Variants in ACVR1C observed in about 807,000 individuals in gnomAD.
ACVR1C encodes activin A receptor type 1C.
Under a neutral mutation model 57.9 loss-of-function variants are expected in ACVR1C, and 23 were observed. The observed-to-expected ratio is 0.40, with a 90% CI of 0.29 to 0.56. The LOEUF is 0.56. ACVR1C is among the 20% of genes least tolerant of loss of function. The probability of loss-of-function intolerance (pLI) is 0.50; values close to 1 mark genes in which losing one functional copy is unlikely to be tolerated. For synonymous variants in ACVR1C, 214 were observed against 215.3 expected (o/e 0.99, Z 0.05); for missense variants, 480 against 607.9 (o/e 0.79, Z 2.21).
intron 2 of ACVR1C, among the ~76,000 whole-genome samples, chr2:157,557,955 C>T (rs553232006): frequency 3.3e-5 from 5 of 152,248 alleles, no homozygotes; most frequent in South Asian, 4.1e-4. Context: ...ATTTCCTTTT[C>T]GTTGACTAAA....
intron 1 of ACVR1C, among the ~76,000 whole-genome samples, chr2:157,592,733 A>G (rs1689075063): frequency 6.6e-6 from 1 of 152,138 alleles, no homozygotes; most frequent in Non-Finnish European, 1.5e-5. Context: ...TGTGCTGCCA[A>G]TTACAATATA....
intron 1 of ACVR1C, among the ~76,000 whole-genome samples, chr2:157,607,412 G>A (rs1682428191): frequency 6.6e-6 from 1 of 151,268 alleles, no homozygotes; most frequent in Admixed American, 6.6e-5. Flanking sequence ...AATGTCTCCA[G>A]CTTTGCTCTT....
chr2:157,578,915 G>C (rs893500178), intron 2 of ACVR1C, among the ~76,000 whole-genome samples: 1 of 151,916 alleles, frequency 6.6e-6, no homozygotes, highest in African/African-American at 2.4e-5. Context: ...AATCTCTTTA[G>C]GTGAATTTAA....
At chr2:157,625,607 G>A (rs1682877042) in intron 1 of ACVR1C, among the ~76,000 whole-genome samples, 1 of 149,976 alleles carries the variant, frequency 6.7e-6, no homozygotes, top group Non-Finnish European at 1.5e-5. Context: ...AGGGGGTGCA[G>A]AGGGGTGCAG....
intron 4 of ACVR1C, among the ~76,000 whole-genome samples, chr2:157,544,889 G>T (rs947685234): frequency 6.6e-6 from 1 of 152,072 alleles, no homozygotes; most frequent in Non-Finnish European, 1.5e-5. Flanking sequence ...TATTTCCTCT[G>T]TATCAATACC....
chr2:157,549,320 G>A (rs531580005), intron 4 of ACVR1C, among the ~76,000 whole-genome samples: 92 of 152,212 alleles, frequency 6.0e-4, no homozygotes, highest in African/African-American at 1.6e-3. Context: ...AGCTGAGATC[G>A]TGCCACTGCA....
intron 1 of ACVR1C, among the ~76,000 whole-genome samples, chr2:157,626,833 T>G (rs1431775026): frequency 6.6e-6 from 1 of 152,220 alleles, no homozygotes; most frequent in Non-Finnish European, 1.5e-5. Flanking sequence ...ATAGAAAAGT[T>G]TTTCATAAAA....
rs76307781 is a variant in ACVR1C at position 157,595,459 on chromosome 2, G to T, written c.74-8042C>A. Among the ~76,000 whole-genome samples the T allele has an allele frequency of 3.3e-5, 5 of 152,184 alleles. No individual in the cohort carries two copies. In the East Asian group the frequency reaches 9.6e-4, roughly 29 times the overall value. On this transcript the variant is annotated intron_variant, in intron 1 of 8. Transcript: ENST00000243349. The stretch of plus-strand genomic sequence containing the variant: ...ACCCTATTTGAAGTGTCAAAGAAAA[G>T]AGTATTCCCAATCACAGGACACATT...
chr2:157,548,652 A>G (rs1687828920), intron 4 of ACVR1C, among the ~76,000 whole-genome samples: 1 of 152,006 alleles, frequency 6.6e-6, no homozygotes, highest in Non-Finnish European at 1.5e-5. Context: ...GATCTTTGAC[A>G]AACCTGAGAA....
At chr2:157,594,368 C>A (rs1682032016) in intron 1 of ACVR1C, among the ~76,000 whole-genome samples, 1 of 151,836 alleles carries the variant, frequency 6.6e-6, no homozygotes. Flanking sequence ...ACTTGTGTCA[C>A]AATTCTCAAT....
At chr2:157,552,996 C>T (rs2105219722) in intron 3 of ACVR1C, among the ~76,000 whole-genome samples, 1 of 152,286 alleles carries the variant, frequency 6.6e-6, no homozygotes, top group South Asian at 2.1e-4. Context: ...TCTTGGAAGC[C>T]ATCTGAGACA....
At chr2:157,620,355 G>A (rs1041076126) in intron 1 of ACVR1C, among the ~76,000 whole-genome samples, 18 of 152,086 alleles carry the variant, frequency 1.2e-4, no homozygotes, top group African/African-American at 4.3e-4. Flanking sequence ...AATGTCCACA[G>A]AATAGAATTT....
At chr2:157,564,335 G>T (rs972174280) in intron 2 of ACVR1C, among the ~76,000 whole-genome samples, 3 of 152,166 alleles carry the variant, frequency 2.0e-5, no homozygotes, top group African/African-American at 7.2e-5. Context: ...TGACATTTAT[G>T]CAGGCAACAA....
At chr2:157,582,120 T>C (rs1688804152) in intron 2 of ACVR1C, among the ~76,000 whole-genome samples, 1 of 152,146 alleles carries the variant, frequency 6.6e-6, no homozygotes, top group Non-Finnish European at 1.5e-5. Context: ...GAGTTTAAGA[T>C]ACGCCTGTGC....
At chr2:157,547,771 C>T (rs1405207363) in intron 4 of ACVR1C, among the ~76,000 whole-genome samples, 5 of 151,262 alleles carry the variant, frequency 3.3e-5, no homozygotes, top group Admixed American at 6.6e-5. Context: ...TGTAGGTTGC[C>T]TGTTCACTCT....
At position 157,579,696 on chromosome 2, in the gene ACVR1C, T is replaced by C. The variant is rs1035249287; in HGVS notation, c.304+7491A>G. Among the ~76,000 whole-genome samples the C allele has an allele frequency of 3.3e-5, 5 of 152,238 alleles. 1 individual carries two copies. The highest frequency in any genetic ancestry group is 6.3e-3 in the Middle Eastern group (2 of 316). On this transcript the variant is annotated intron_variant, in intron 2 of 8. Coordinates refer to ENST00000243349, the MANE Select transcript of ACVR1C (RefSeq NM_145259.3). ...TTGTATGCTTGGTTATTGGAAGTAC[T>C]GAAATATGGAAGTAGGCTGGTGACA...
intron 2 of ACVR1C, among the ~76,000 whole-genome samples, chr2:157,561,613 A>T (rs556610497): frequency 2.8e-4 from 42 of 152,332 alleles, no homozygotes; most frequent in African/African-American, 9.9e-4. Context: ...CCACTACAAC[A>T]TTCAAAGCTA....
At chr2:157,559,089 A>G (rs1254045799) in intron 2 of ACVR1C, among the ~76,000 whole-genome samples, 1 of 152,224 alleles carries the variant, frequency 6.6e-6, no homozygotes, top group Non-Finnish European at 1.5e-5. Flanking sequence ...GTAAAGCTCT[A>G]TTAGGCAGAG....
At chr2:157,558,495 T>G (rs748417079) in intron 2 of ACVR1C, among the ~76,000 whole-genome samples, 1 of 152,224 alleles carries the variant, frequency 6.6e-6, no homozygotes, top group Non-Finnish European at 1.5e-5. Flanking sequence ...TCATAGAAAT[T>G]TCACTATAAT....
Sources: allele counts gnomAD v4.1 joint callset (sites outside exome capture counted in the v4.1 genomes callset), GRCh38; gene constraint gnomAD v4.1.1; transcripts MANE v1.5; gene names NCBI Gene and HGNC (gene_info 2026-07-23, HGNC 2026-07-21).